The following SGCZ variants were observed in gnomAD, a reference collection of about 807,000 sequenced individuals.
SGCZ encodes zeta-sarcoglycan.
Under a neutral mutation model 41.3 loss-of-function variants are expected in SGCZ, and 40 were observed. The observed-to-expected ratio is 0.97, with a 90% CI of 0.75 to 1.26. The LOEUF is 1.26. Among genes scored for constraint, SGCZ ranks in the 50% most tolerant of loss-of-function variants. SGCZ has a pLI of 0.00. For synonymous variants in SGCZ, 206 were observed against 137.5 expected (o/e 1.50, Z -3.49); for missense variants, 552 against 369.8 (o/e 1.49, Z -4.04).
intron 1 of SGCZ, among the ~76,000 whole-genome samples, chr8:14,782,209 T>G (rs2130437805): frequency 6.6e-6 from 1 of 152,312 alleles, no homozygotes; most frequent in Non-Finnish European, 1.5e-5. Context: ...ATGCTAAAAC[T>G]TATTAAGCAC....
intron 4 of SGCZ, among the ~76,000 whole-genome samples, chr8:14,231,556 A>AT (rs146103105): frequency 0.14 from 21,172 of 150,400 alleles, 1,835 homozygotes; most frequent in African/African-American, 0.23. Flanking sequence ...TTAAGTCTAG[A>AT]TTTTTTTTTT....
At chr8:14,185,276 T>C (rs1288511100) in intron 4 of SGCZ, among the ~76,000 whole-genome samples, 1 of 152,032 alleles carries the variant, frequency 6.6e-6, no homozygotes, top group Non-Finnish European at 1.5e-5. Flanking sequence ...TGGTGGCACA[T>C]GCCTGTAGTC....
intron 2 of SGCZ, among the ~76,000 whole-genome samples, chr8:14,409,338 T>C (rs932082086): frequency 3.9e-5 from 6 of 152,078 alleles, no homozygotes; most frequent in South Asian, 2.1e-4. Flanking sequence ...AACCTGAGGA[T>C]CCAAAAATGA....
chr8:14,973,868 T>C (rs1801379646), intron 1 of SGCZ, among the ~76,000 whole-genome samples: 1 of 152,216 alleles, frequency 6.6e-6, no homozygotes, highest in Non-Finnish European at 1.5e-5. Flanking sequence ...CCAGTGCATA[T>C]ATGATTTTAT....
rs530686555 is a variant in SGCZ, at chr8:14,418,024, G to T, written c.235-93820C>A. Among the ~76,000 whole-genome samples the T allele has an allele frequency of 4.6e-5, 7 of 151,754 alleles. No homozygotes were observed. The South Asian group carries it at 1.5e-3, about 31-fold the overall frequency. On this transcript the variant is annotated intron_variant, in intron 2 of 7. Transcript: ENST00000382080. ...GTACAAAAGGAGTCCTGATCCTTTT[G>T]TACCAGTTGTTTCATAGGCTATGTC...
At chr8:14,143,670 C>T (rs1430600875) in intron 5 of SGCZ, among the ~76,000 whole-genome samples, 1 of 152,046 alleles carries the variant, frequency 6.6e-6, no homozygotes, top group African/African-American at 2.4e-5. Flanking sequence ...TCATAAGAAC[C>T]AAAAATCATA....
chr8:14,138,313 C>G (rs1803264103), intron 5 of SGCZ, among the ~76,000 whole-genome samples: 1 of 152,094 alleles, frequency 6.6e-6, no homozygotes, highest in African/African-American at 2.4e-5. Flanking sequence ...ATGACAGGAT[C>G]AAATTCAAAC....
At chr8:14,852,238 A>G (rs1254128768) in intron 1 of SGCZ, among the ~76,000 whole-genome samples, 1 of 152,232 alleles carries the variant, frequency 6.6e-6, no homozygotes, top group Non-Finnish European at 1.5e-5. Context: ...TATTTGGAGC[A>G]TGTACTATAT....
intron 1 of SGCZ, among the ~76,000 whole-genome samples, chr8:14,678,342 G>A (rs375161185): frequency 6.6e-6 from 1 of 152,152 alleles, no homozygotes; most frequent in African/African-American, 2.4e-5. Context: ...CTTAAAATAA[G>A]AAATCAAACC....
At chr8:14,463,281 G>T (rs912234101) in intron 2 of SGCZ, among the ~76,000 whole-genome samples, 3 of 151,200 alleles carry the variant, frequency 2.0e-5, no homozygotes, top group Admixed American at 6.6e-5. Context: ...GAACAAACTG[G>T]GAGGGCTCAC....
At position 14,988,831 on chromosome 8, in the gene SGCZ, C is replaced by T. The variant is rs906250850; in HGVS notation, c.39+248754G>A. Among the ~76,000 whole-genome samples the T allele has an allele frequency of 2.0e-4, 30 of 152,216 alleles. 1 individual carries two copies. The highest frequency in any genetic ancestry group is 6.3e-4 in the African/African-American group (26 of 41,538). ...ACCATTGAAATACTAAGAGAGAAAA[C>T]TGCTACCCTCATTTATTTCTGGATA... On this transcript the variant is annotated intron_variant, in intron 1 of 7. Transcript: ENST00000382080.
intron 1 of SGCZ, among the ~76,000 whole-genome samples, chr8:14,844,791 T>C (rs1803044212): frequency 6.6e-6 from 1 of 152,208 alleles, no homozygotes; most frequent in Non-Finnish European, 1.5e-5. Context: ...AGAGAAATTA[T>C]CTGAAACAAC....
intron 1 of SGCZ, among the ~76,000 whole-genome samples, chr8:14,566,694 C>G (rs1035914965): frequency 6.6e-6 from 1 of 152,256 alleles, no homozygotes. Context: ...CTCTCGGCAC[C>G]TCCTCGGCCT....
intron 1 of SGCZ, among the ~76,000 whole-genome samples, chr8:14,792,614 T>C (rs186357228): frequency 1.2e-4 from 18 of 152,230 alleles, no homozygotes; most frequent in Admixed American, 1.2e-3. Flanking sequence ...ATGTGCACAA[T>C]GTGCAGGTTT....
At chr8:14,596,916 A>G (rs1326401027) in intron 1 of SGCZ, among the ~76,000 whole-genome samples, 3 of 151,974 alleles carry the variant, frequency 2.0e-5, no homozygotes, top group Non-Finnish European at 1.5e-5. Flanking sequence ...ATAACTGAAA[A>G]CAAACAAACA....
At chr8:14,856,543 C>G (rs1396160674) in intron 1 of SGCZ, among the ~76,000 whole-genome samples, 1 of 152,176 alleles carries the variant, frequency 6.6e-6, no homozygotes, top group Non-Finnish European at 1.5e-5. Context: ...AAGCTGAGCT[C>G]TCTCATGTTC....
At chr8:14,232,708 C>T (rs1036087505) in intron 4 of SGCZ, among the ~76,000 whole-genome samples, 3 of 151,906 alleles carry the variant, frequency 2.0e-5, no homozygotes, top group Non-Finnish European at 4.4e-5. Context: ...CCCATTAACT[C>T]GTCATTTAGC....
chr8:15,198,043 A>T (rs1243037233), intron 1 of SGCZ, among the ~76,000 whole-genome samples: 2 of 148,454 alleles, frequency 1.3e-5, no homozygotes, highest in African/African-American at 4.9e-5. Context: ...TTATATATTT[A>T]TATTATATAT....
intron 1 of SGCZ, among the ~76,000 whole-genome samples, chr8:15,084,934 C>A (rs1191303810): frequency 6.6e-6 from 1 of 152,178 alleles, no homozygotes; most frequent in Non-Finnish European, 1.5e-5. Context: ...TCCCCTCTTT[C>A]TCTTAGCTCC....
Sources: gnomAD v4.1 joint callset for allele counts (sites outside exome capture counted in the v4.1 genomes callset) on GRCh38, gnomAD v4.1.1 for gene constraint, MANE v1.5 for transcripts, NCBI Gene and HGNC (gene_info 2026-07-23, HGNC 2026-07-21) for gene names.